The following SERPINA6 variants were observed in gnomAD, a reference collection of about 807,000 sequenced individuals.
The protein encoded by SERPINA6 is corticosteroid-binding globulin.
A neutral mutation model predicts 26.4 loss-of-function variants in SERPINA6; 19 were observed. The ratio of observed to expected loss-of-function variants is 0.72; its 90% CI spans 0.50 to 1.06. The LOEUF (loss-of-function observed/expected upper bound fraction) is 1.06. SERPINA6 is among the 50% of genes least tolerant of loss of function. The pLI, the probability that SERPINA6 is intolerant of heterozygous loss-of-function variation, is 0.00. For synonymous variants in SERPINA6, 196 were observed against 199.4 expected, an observed-to-expected ratio of 0.98 and a Z score of 0.14; for missense variants, 473 against 504.0, an observed-to-expected ratio of 0.94 and a Z score of 0.59.
rs766474893 is a variant in SERPINA6, at chr14:94,304,440, G to A, written c.1196C>T (p.Ala399Val). 67 of 1,613,984 alleles carry A rather than the reference G, an allele frequency of 4.2e-5. No individual in the cohort carries two copies. Among genetic ancestry groups the A allele is most frequent in the East Asian group, 2.5e-4 (11 of 44,896 alleles). The change falls in exon 5 of 5, where the codon GCG (alanine) becomes GTG (valine). Residue 399 changes from alanine (A) to valine (V), a missense_variant. Ala to Val is a moderately conservative substitution (Grantham distance 64). Transcript: ENST00000341584. ...CTCTTACACTGGGTTCATAACCCTCGCCAGGAAAAGGCTGCTCCAGGTGAA... is the reference window on the plus strand; with the variant it reads ...CTCTTACACTGGGTTCATAACCCTCACCAGGAAAAGGCTGCTCCAGGTGAA... ...DHFTWSSLFLARVMNPV is the reference protein window; with the variant it reads ...DHFTWSSLFLVRVMNPV
At chr14:94,310,157 A>C in intron 2 of SERPINA6, 151 bp from the exon 3 acceptor site, 2 of 777,554 alleles carry the variant, frequency 2.6e-6, no homozygotes, top group Non-Finnish European at 4.3e-6. Context: ...AAGATATAAA[A>C]ATTCCCAGAA....
chr14:94,306,143 G>T lies in SERPINA6; in HGVS notation c.960C>A (p.Gly320=), dbSNP rs748213038. The part of the protein sequence containing the change: ...YDLGDVLEEM[G]IADLFTNQAN... ...CCTGGTTGGTGAACAAGTCTGCAAT[G>T]CCCATTTCCTCCAGCACATCTCCGA... Residue 320 remains glycine (G), a synonymous_variant, in exon 4 of 5, where the codon GGC becomes GGA. Transcript: ENST00000341584. 1 of 1,614,156 alleles carries T rather than the reference G, an allele frequency of 6.2e-7. No homozygotes were observed. Among genetic ancestry groups the T allele is most frequent in the Non-Finnish European group, 8.5e-7 (1 of 1,180,004 alleles).
intron 2 of SERPINA6, among the ~76,000 whole-genome samples, chr14:94,313,056 A>T (rs943808418): frequency 6.6e-6 from 1 of 152,256 alleles, no homozygotes; most frequent in Non-Finnish European, 1.5e-5. Context: ...CAAACAAGGC[A>T]TGGGCAAACT....
intron 1 of SERPINA6, among the ~76,000 whole-genome samples, chr14:94,321,089 T>C (rs1895679356): frequency 6.6e-6 from 1 of 152,114 alleles, no homozygotes; most frequent in African/African-American, 2.4e-5. Flanking sequence ...GTTTCCACAG[T>C]ATAAAATAGA....
chr14:94,322,936 T>C (rs1386746108), intron 1 of SERPINA6, among the ~76,000 whole-genome samples: 27 of 136,390 alleles, frequency 2.0e-4, no homozygotes, highest in Admixed American at 1.7e-3. Context: ...TGCGACTCTG[T>C]GGCTGTTGTG....
intron 1 of SERPINA6, among the ~76,000 whole-genome samples, chr14:94,320,513 G>T (rs1469728416): frequency 1.3e-5 from 2 of 152,174 alleles, no homozygotes; most frequent in Non-Finnish European, 2.9e-5. Context: ...CTACGTTGCT[G>T]GGTGGCACTC....
chr14:94,321,013 T>C (rs1031883577), intron 1 of SERPINA6, among the ~76,000 whole-genome samples: 2 of 152,118 alleles, frequency 1.3e-5, no homozygotes, highest in Non-Finnish European at 2.9e-5. Flanking sequence ...TCAAGCTGGA[T>C]TGGGGCCCTA....
chr14:94,321,766 G>A (rs899205400), intron 1 of SERPINA6, among the ~76,000 whole-genome samples: 8 of 152,196 alleles, frequency 5.3e-5, no homozygotes, highest in Non-Finnish European at 1.2e-4. Context: ...CCTTGTATCT[G>A]TGCTTCTCTA....
At chr14:94,315,339 G>A (rs1290392243) in intron 1 of SERPINA6, among the ~76,000 whole-genome samples, 1 of 152,208 alleles carries the variant, frequency 6.6e-6, no homozygotes, top group Non-Finnish European at 1.5e-5. Context: ...TTGAAGTAAA[G>A]CTGGTTATAT....
intron 2 of SERPINA6, among the ~76,000 whole-genome samples, chr14:94,310,656 C>T (rs947767108): frequency 6.6e-6 from 1 of 152,114 alleles, no homozygotes; most frequent in African/African-American, 2.4e-5. Context: ...TGGCGGTACT[C>T]GTCAGCTCTG....
At chr14:94,319,096 C>T (rs569300206) in intron 1 of SERPINA6, among the ~76,000 whole-genome samples, 7 of 152,188 alleles carry the variant, frequency 4.6e-5, no homozygotes, top group African/African-American at 1.2e-4. Flanking sequence ...ATATCAAAAC[C>T]GCAATGAGAT....
intron 3 of SERPINA6, among the ~76,000 whole-genome samples, chr14:94,308,068 G>T (rs758508270): frequency 3.3e-5 from 5 of 152,230 alleles, no homozygotes; most frequent in Non-Finnish European, 4.4e-5. Flanking sequence ...GCCCTGCATT[G>T]TTGGCACTCT....
At chr14:94,322,872 C>T (rs1895703502) in intron 1 of SERPINA6, among the ~76,000 whole-genome samples, 1 of 152,198 alleles carries the variant, frequency 6.6e-6, no homozygotes, top group Admixed American at 6.5e-5. Context: ...GACCCGCGGC[C>T]AGCATCCTTC....
intron 1 of SERPINA6, among the ~76,000 whole-genome samples, chr14:94,321,869 C>A (rs746831875): frequency 6.6e-6 from 1 of 152,146 alleles, no homozygotes; most frequent in Admixed American, 6.5e-5. Context: ...AGGCCCTGTG[C>A]GGTATGATGC....
chr14:94,315,600 C>T (rs1442625640), intron 1 of SERPINA6, among the ~76,000 whole-genome samples: 1 of 152,148 alleles, frequency 6.6e-6, no homozygotes, highest in African/African-American at 2.4e-5. Flanking sequence ...ACAAGAGACT[C>T]ATTTTAGATC....
In SERPINA6 at chr14:94,314,566, G is replaced by A. The variant is rs1385354738; in HGVS notation, c.83C>T (p.Ala28Val). The A allele has an allele frequency of 2.5e-6, 4 of 1,614,248 alleles. No individual in the cohort carries two copies. Among genetic ancestry groups the A allele is most frequent in the Non-Finnish European group, 1.7e-6 (2 of 1,180,052 alleles). The change falls in exon 2 of 5, where the codon GCT becomes GTT. Residue 28 changes from alanine to valine, a missense_variant. Coordinates refer to ENST00000341584, the MANE Select transcript of SERPINA6 (RefSeq NM_001756.4). ...GTGATGGTTACTCATGTTCACATAA[G>A]CAGCGTTAGGATCCATGGCCTGGAC... ...WTVQAMDPNA[A>V]YVNMSNHHRG...
At chr14:94,308,807 C>T (rs1895479318) in intron 3 of SERPINA6, among the ~76,000 whole-genome samples, 1 of 152,210 alleles carries the variant, frequency 6.6e-6, no homozygotes, top group Admixed American at 6.5e-5. Context: ...AACCATCCAC[C>T]CATCCATCCG....
In SERPINA6 at chr14:94,314,509, G is replaced by A. The variant is rs1429771898; in HGVS notation, c.140C>T (p.Ala47Val). ...CACTAGGTGCTTATACAGGCTGAAG[G>A]CAAAGTCAACGTTGGCTGAAGCCAG... Reference protein sequence around the residue: ...RGLASANVDFAFSLYKHLVAL... With the variant: ...RGLASANVDFVFSLYKHLVAL... The change falls in exon 2 of 5, where the codon GCC (alanine) becomes GTC (valine). Residue 47 changes from alanine (A) to valine (V), a missense_variant. Transcript: ENST00000341584. The A allele has an allele frequency of 6.2e-7, 1 of 1,614,102 alleles. No individual in the cohort carries two copies. Among genetic ancestry groups the A allele is most frequent in the Non-Finnish European group, 8.5e-7 (1 of 1,180,052 alleles).
At chr14:94,306,353 C>A in intron 3 of SERPINA6, 135 bp from the exon 4 acceptor site, 1 of 907,368 alleles carries the variant, frequency 1.1e-6, no homozygotes, top group Non-Finnish European at 1.7e-6. Context: ...GCCTGACTTG[C>A]TCTTTGTGGG....
Sources: gnomAD v4.1 joint callset for allele counts (sites outside exome capture counted in the v4.1 genomes callset) on GRCh38, gnomAD v4.1.1 for gene constraint, MANE v1.5 for transcripts, NCBI Gene and HGNC (gene_info 2026-07-23, HGNC 2026-07-21) for gene names.